EPHA7: variants seen among roughly 807,000 people sequenced by gnomAD.
EPHA7 encodes EPH receptor A7, also known as ephrin type-A receptor 7.
EPHA7 carries 25 observed loss-of-function variants against 112.6 expected under a neutral mutation model. That is an observed-to-expected ratio of 0.22 (90% confidence interval 0.16 to 0.31). The LOEUF (loss-of-function observed/expected upper bound fraction) is 0.31, where lower values mean the gene tolerates loss of function less well. Ranked by LOEUF, EPHA7 falls within the 10% of genes least tolerant of loss-of-function variation. EPHA7 has a pLI of 1.00. For synonymous variants in EPHA7, 437 were observed against 406.5 expected, an observed-to-expected ratio of 1.07 and a Z score of -0.90; for missense variants, 962 against 1,212.6, an observed-to-expected ratio of 0.79 and a Z score of 3.07.
At chr6:93,327,146 A>G (rs568890066) in intron 5 of EPHA7, among the ~76,000 whole-genome samples, 2 of 151,610 alleles carry the variant, frequency 1.3e-5, no homozygotes, top group Non-Finnish European at 3.0e-5. Context: ...TCTGATGGCC[A>G]CTAGACTCAT....
At chr6:93,336,112 C>G (rs572122234) in intron 5 of EPHA7, among the ~76,000 whole-genome samples, 27 of 152,200 alleles carry the variant, frequency 1.8e-4, no homozygotes, top group Admixed American at 1.4e-3. Context: ...AGCACTAAAA[C>G]TTTCAAGCCT....
chr6:93,340,901 C>T (rs1017480048), intron 5 of EPHA7, among the ~76,000 whole-genome samples: 4 of 151,760 alleles, frequency 2.6e-5, no homozygotes, highest in Admixed American at 6.6e-5. Context: ...CTTATAAATG[C>T]CATCACAATC....
chr6:93,419,239 C>T lies in EPHA7; in HGVS notation c.97+6G>A, dbSNP rs746133628. On this transcript the variant is annotated splice_donor_region_variant and intron_variant, in intron 1 of 16. Coordinates refer to ENST00000369303, the MANE Select transcript of EPHA7 (RefSeq NM_004440.4). ...CAGAACAAACTTTGCTTTCCCATCA[C>T]CTTACCTTCCTTCGCAGCCTGCGCC... is the stretch of plus-strand genomic sequence containing the variant. 2.5e-6 allele frequency: 4 copies of T among 1,612,234 alleles called. No individual in the cohort carries two copies. In the South Asian group the frequency reaches 4.4e-5, roughly 18 times the overall value.
intron 5 of EPHA7, among the ~76,000 whole-genome samples, chr6:93,336,527 C>G (rs764106400): frequency 2.6e-5 from 4 of 152,068 alleles, no homozygotes; most frequent in Admixed American, 2.6e-4. Context: ...CTCAGCCTCC[C>G]GAGTAGCTGG....
intron 5 of EPHA7, among the ~76,000 whole-genome samples, chr6:93,274,731 C>A (rs1317395077): frequency 5.9e-5 from 9 of 151,764 alleles, no homozygotes; most frequent in Admixed American, 2.0e-4. Context: ...GGATAAACTG[C>A]ATGATAGGAA....
chr6:93,367,464 A>G (rs1469631971), intron 3 of EPHA7, among the ~76,000 whole-genome samples: 1 of 152,144 alleles, frequency 6.6e-6, no homozygotes, highest in Non-Finnish European at 1.5e-5. Context: ...GTAACATTAC[A>G]TTTGCTGTTA....
chr6:93,294,477 A>G (rs186160410), intron 5 of EPHA7, among the ~76,000 whole-genome samples: 1 of 152,268 alleles, frequency 6.6e-6, no homozygotes, highest in Non-Finnish European at 1.5e-5. Flanking sequence ...CTGGAGAAAT[A>G]TATTTTTTGA....
At chr6:93,341,746 A>G (rs1775148610) in intron 5 of EPHA7, among the ~76,000 whole-genome samples, 1 of 151,912 alleles carries the variant, frequency 6.6e-6, no homozygotes, top group South Asian at 2.1e-4. Flanking sequence ...TTAATAATTC[A>G]GCACAGGTCC....
intron 5 of EPHA7, among the ~76,000 whole-genome samples, chr6:93,355,969 T>C (rs1775923124): frequency 6.6e-6 from 1 of 152,168 alleles, no homozygotes; most frequent in African/African-American, 2.4e-5. Flanking sequence ...CGTCATGTAT[T>C]ACAAAGATCA....
At chr6:93,277,473 C>T (rs1008238724) in intron 5 of EPHA7, among the ~76,000 whole-genome samples, 14 of 151,834 alleles carry the variant, frequency 9.2e-5, no homozygotes, top group African/African-American at 3.4e-4. Flanking sequence ...AAGAATGATA[C>T]ATATGCAATT....
intron 5 of EPHA7, among the ~76,000 whole-genome samples, chr6:93,334,219 C>A (rs1388046221): frequency 6.6e-6 from 1 of 151,808 alleles, no homozygotes; most frequent in Non-Finnish European, 1.5e-5. Context: ...GAAGCTGGAC[C>A]CCCTCCTTAC....
rs151105460 is a variant in EPHA7 at position 93,344,786 on chromosome 6, A to G, written c.1324+11931T>C. On this transcript the variant is annotated intron_variant, in intron 5 of 16. Coordinates refer to ENST00000369303, the MANE Select transcript of EPHA7 (RefSeq NM_004440.4). ...AATTTCCCTTCCTTTGGTAATTGTG[A>G]CAGCCCCCTTATTCAACTGGCCTGG... Among the ~76,000 whole-genome samples the G allele has an allele frequency of 3.3e-3, 496 of 151,644 alleles. 1 individual carries two copies. Among genetic ancestry groups the G allele is most frequent in the African/African-American group, 0.011 (471 of 41,464 alleles).
chr6:93,313,095 G>C (rs971175477), intron 5 of EPHA7, among the ~76,000 whole-genome samples: 15 of 152,076 alleles, frequency 9.9e-5, no homozygotes, highest in Admixed American at 8.5e-4. Context: ...GTGACACAGA[G>C]ACACAACGTA....
intron 3 of EPHA7, among the ~76,000 whole-genome samples, chr6:93,392,538 C>T (rs1777963554): frequency 6.6e-6 from 1 of 151,872 alleles, no homozygotes; most frequent in Non-Finnish European, 1.5e-5. Flanking sequence ...AAAATCTTAT[C>T]AAATTTTTAA....
At chr6:93,325,582 G>A (rs986508302) in intron 5 of EPHA7, among the ~76,000 whole-genome samples, 4 of 151,022 alleles carry the variant, frequency 2.6e-5, no homozygotes, top group African/African-American at 9.7e-5. Context: ...TATCTACCTA[G>A]AGAATCAAGG....
chr6:93,280,941 T>C (rs779988783), intron 5 of EPHA7, among the ~76,000 whole-genome samples: 4 of 152,074 alleles, frequency 2.6e-5, no homozygotes, highest in East Asian at 1.9e-4. Flanking sequence ...AAAAACTCCA[T>C]AGATAAAGCT....
At chr6:93,306,166 G>A (rs184218139) in intron 5 of EPHA7, among the ~76,000 whole-genome samples, 131 of 151,940 alleles carry the variant, frequency 8.6e-4, no homozygotes, top group African/African-American at 2.9e-3. Context: ...TTTTGTAAGT[G>A]GCCTACAATT....
chr6:93,293,164 T>C (rs1772473044), intron 5 of EPHA7, among the ~76,000 whole-genome samples: 1 of 150,522 alleles, frequency 6.6e-6, no homozygotes. Flanking sequence ...AAAGACTATG[T>C]AAACCCATAT....
intron 5 of EPHA7, among the ~76,000 whole-genome samples, chr6:93,352,075 ATTGG>A (rs1775721541): frequency 6.6e-6 from 1 of 152,124 alleles, no homozygotes; most frequent in Admixed American, 6.6e-5. Context: ...TGGTTTTCCC[ATTGG>A]CCTAATTCCA....
Sources: gnomAD v4.1 joint callset for allele counts (sites outside exome capture counted in the v4.1 genomes callset) on GRCh38, gnomAD v4.1.1 for gene constraint, MANE v1.5 for transcripts, NCBI Gene and HGNC (gene_info 2026-07-23, HGNC 2026-07-21) for gene names.